The following ADARB2 variants were observed in gnomAD, a reference collection of about 807,000 sequenced individuals.
The protein encoded by ADARB2 is inactive double-stranded RNA-specific editase B2.
A neutral mutation model predicts 62.2 loss-of-function variants in ADARB2; 25 were observed. That is an observed-to-expected ratio of 0.40 (90% CI 0.29 to 0.56). The LOEUF is 0.56. Ranked by LOEUF, ADARB2 falls within the 20% of genes least tolerant of loss-of-function variation. The pLI is 0.43. For synonymous variants in ADARB2, 572 were observed against 500.8 expected (o/e 1.14, Z -1.90); for missense variants, 1,071 against 1,077.4 (o/e 0.99, Z 0.08).
intron 3 of ADARB2, among the ~76,000 whole-genome samples, chr10:1,356,407 G>A (rs528210466): frequency 6.6e-6 from 1 of 152,298 alleles, no homozygotes; most frequent in African/African-American, 2.4e-5. Flanking sequence ...CCACCCCCTG[G>A]AGGGCTTCAC....
chr10:1,634,419 G>A (rs1833889491), intron 1 of ADARB2, among the ~76,000 whole-genome samples: 1 of 152,200 alleles, frequency 6.6e-6, no homozygotes, highest in South Asian at 2.1e-4. Context: ...GCTGCTCCTT[G>A]GAAACGTGGA....
At chr10:1,690,287 C>T (rs1834651953) in intron 1 of ADARB2, among the ~76,000 whole-genome samples, 1 of 152,160 alleles carries the variant, frequency 6.6e-6, no homozygotes, top group Non-Finnish European at 1.5e-5. Flanking sequence ...GTTTTGATAC[C>T]TAATTAAATG....
chr10:1,348,716 G>A (rs1388136222), intron 3 of ADARB2, among the ~76,000 whole-genome samples: 5 of 152,194 alleles, frequency 3.3e-5, no homozygotes, highest in Admixed American at 6.5e-5. Flanking sequence ...GGTCCCGACT[G>A]CTGGCTTTGG....
chr10:1,430,997 T>C (rs1830772507), intron 1 of ADARB2, among the ~76,000 whole-genome samples: 1 of 152,192 alleles, frequency 6.6e-6, no homozygotes, highest in African/African-American at 2.4e-5. Flanking sequence ...CTGTCAGTAA[T>C]TGATAGAACT....
At chr10:1,351,462 A>G (rs552543221) in intron 3 of ADARB2, among the ~76,000 whole-genome samples, 30 of 151,532 alleles carry the variant, frequency 2.0e-4, no homozygotes, top group African/African-American at 7.0e-4. Flanking sequence ...TACTCTTTTA[A>G]GTACTCCTTT....
chr10:1,358,749 G>A (rs1832220748), intron 3 of ADARB2, among the ~76,000 whole-genome samples: 1 of 152,082 alleles, frequency 6.6e-6, no homozygotes, highest in South Asian at 2.1e-4. Flanking sequence ...TGCGGGGTGA[G>A]GGTGTGTGGA....
intron 6 of ADARB2, among the ~76,000 whole-genome samples, chr10:1,231,938 G>C (rs757048290): frequency 1.1e-4 from 16 of 152,162 alleles, no homozygotes; most frequent in Non-Finnish European, 2.4e-4. Flanking sequence ...GTCTTTGGTG[G>C]AGGCTGCATG....
intron 3 of ADARB2, among the ~76,000 whole-genome samples, chr10:1,342,319 C>G (rs1461815128): frequency 1.3e-5 from 2 of 152,174 alleles, no homozygotes; most frequent in African/African-American, 4.8e-5. Flanking sequence ...CACACATGGC[C>G]CCACAGAACC....
intron 4 of ADARB2, among the ~76,000 whole-genome samples, chr10:1,247,457 G>A (rs1199733615): frequency 2.0e-5 from 3 of 152,162 alleles, no homozygotes; most frequent in Non-Finnish European, 4.4e-5. Flanking sequence ...TATGATATTG[G>A]CTGTGGGTTT....
chr10:1,298,720 ATTTTTTTTTTTTTTTTTTTTTTTTTTTTT>A lies in ADARB2; in HGVS notation c.1078-27680_1078-27652del, dbSNP rs75978268. ...GCCGACTATCCCATGTGCGACGGGAATTTTTTTTTTTTTTTTTTTTTTTTTTTTTTTTTTTTTTTTTTTTTTTTTTTTAG... is the reference window on the plus strand; with the variant it reads ...GCCGACTATCCCATGTGCGACGGGAATTTTTTTTTTTTTTTTTTTTTTTAG... On this transcript the variant is annotated intron_variant, in intron 3 of 9. Transcript: ENST00000381312. 6.9e-3 allele frequency among the ~76,000 whole-genome samples: 768 copies of A among 110,728 alleles called. 14 individuals carry two copies. Among genetic ancestry groups the A allele is most frequent in the African/African-American group, 8.6e-3 (201 of 23,414 alleles). 72.6% of individuals were successfully genotyped at this position (110,728 alleles called of 152,430 possible).
intron 4 of ADARB2, among the ~76,000 whole-genome samples, chr10:1,267,590 G>A (rs1035678469): frequency 6.6e-6 from 1 of 152,208 alleles, no homozygotes; most frequent in African/African-American, 2.4e-5. Context: ...GTATGGTAAA[G>A]GCACAATCTT....
At chr10:1,299,520 G>A (rs575596054) in intron 3 of ADARB2, among the ~76,000 whole-genome samples, 4 of 152,288 alleles carry the variant, frequency 2.6e-5, no homozygotes, top group South Asian at 2.1e-4. Context: ...TAGTTTGGAC[G>A]GTATGCAAAT....
At position 1,635,371 on chromosome 10, in the gene ADARB2, A is replaced by G. The variant is rs186913601; in HGVS notation, c.100+101680T>C. Among the ~76,000 whole-genome samples, 180 of 152,302 alleles carry G rather than the reference A, an allele frequency of 1.2e-3. 1 individual carries two copies. The highest frequency in any genetic ancestry group is 3.9e-3 in the African/African-American group (162 of 41,564). The stretch of plus-strand genomic sequence containing the variant: ...AGCAGTCCTGGCAGGTGCACGTCCT[A>G]TGTAACTTAGAATACGTCTGCAAGA... On this transcript the variant is annotated intron_variant, in intron 1 of 9. Transcript: ENST00000381312.
chr10:1,393,933 A>G (rs897647087), intron 1 of ADARB2, among the ~76,000 whole-genome samples: 1 of 152,238 alleles, frequency 6.6e-6, no homozygotes. Flanking sequence ...CCAAATTTGC[A>G]AAGTTCTAGA....
At chr10:1,328,996 T>TAAAAAAAAAAA (rs376461606) in intron 3 of ADARB2, among the ~76,000 whole-genome samples, 11 of 75,678 alleles carry the variant, frequency 1.5e-4, no homozygotes, top group African/African-American at 6.4e-4. Flanking sequence ...GACCCTGTCT[T>TAAAAAAAAAAA]AAAAAAAAAA....
At position 1,590,372 on chromosome 10, in the gene ADARB2, C is replaced by T. The variant is rs150358234; in HGVS notation, c.100+146679G>A. Reference sequence around the variant, plus strand: ...CCATATGACGAAGTTCATTCCATAACGTTGCTGGTTCTAATGTGAATGGGT... The same window carrying T: ...CCATATGACGAAGTTCATTCCATAATGTTGCTGGTTCTAATGTGAATGGGT... On this transcript the variant is annotated intron_variant, in intron 1 of 9. Transcript: ENST00000381312. Among the ~76,000 whole-genome samples, 900 of 152,260 alleles carry T rather than the reference C, an allele frequency of 5.9e-3. 10 individuals are homozygous for T. The highest frequency in any genetic ancestry group is 0.02 in the African/African-American group (848 of 41,546).
chr10:1,190,209 A>G lies in ADARB2; in HGVS notation c.1865-5170T>C, dbSNP rs185324098. 3.2e-4 allele frequency among the ~76,000 whole-genome samples: 48 copies of G among 152,204 alleles called. 2 individuals carry two copies. Among genetic ancestry groups the G allele is most frequent in the Admixed American group, 2.0e-3 (31 of 15,300 alleles). On this transcript the variant is annotated intron_variant, in intron 8 of 9. Transcript: ENST00000381312. The stretch of plus-strand genomic sequence containing the variant: ...GAAACGCGTCCTCCCAAGAAATTGC[A>G]CACAGATACCCCAGTGCTGTGGACA...
At chr10:1,648,757 C>A (rs1227877568) in intron 1 of ADARB2, among the ~76,000 whole-genome samples, 1 of 152,138 alleles carries the variant, frequency 6.6e-6, no homozygotes, top group Admixed American at 6.5e-5. Context: ...GTCTTAGCAG[C>A]AGAAGTGATG....
intron 1 of ADARB2, among the ~76,000 whole-genome samples, chr10:1,467,236 A>G (rs1404780085): frequency 1.3e-5 from 2 of 152,130 alleles, no homozygotes; most frequent in African/African-American, 4.8e-5. Flanking sequence ...TTCTCTACCA[A>G]TTGGAGAAAT....
Sources: gnomAD v4.1 joint callset for allele counts (sites outside exome capture counted in the v4.1 genomes callset) on GRCh38, gnomAD v4.1.1 for gene constraint, MANE v1.5 for transcripts, NCBI Gene and HGNC (gene_info 2026-07-23, HGNC 2026-07-21) for gene names.